The following CMTM4 variants were observed in gnomAD, a reference collection of about 807,000 sequenced individuals.
CMTM4 encodes the protein CKLF-like MARVEL transmembrane domain-containing protein 4.
CMTM4 carries 8 observed loss-of-function variants against 19.0 expected under a neutral mutation model. That is an observed-to-expected ratio of 0.42 (90% CI 0.25 to 0.76). The LOEUF is 0.76. Ranked by LOEUF, CMTM4 falls within the 30% of genes least tolerant of loss-of-function variation. CMTM4 has a pLI of 0.27. For synonymous variants in CMTM4, 106 were observed against 121.1 expected (o/e 0.88, Z 0.82); for missense variants, 228 against 290.2 (o/e 0.79, Z 1.56).
intron 1 of CMTM4, among the ~76,000 whole-genome samples, chr16:66,691,775 T>C (rs2017140409): frequency 6.6e-6 from 1 of 152,228 alleles, no homozygotes. Flanking sequence ...TTAGCTTTAG[T>C]ATCCAATCAC....
the CMTM4 span, among the ~76,000 whole-genome samples, chr16:66,600,136 G>GTGGTTTTTTTTTT: frequency 7.4e-6 from 1 of 135,154 alleles, no homozygotes; most frequent in Admixed American, 7.8e-5. Context: ...GTGTGTGTGT[G>GTGGTTTTTTTTTT]TTTTTTTTTG....
chr16:66,623,316 A>G (rs1311131511), intron 3 of CMTM4, 88 bp downstream of exon 3: 2 of 879,542 alleles, frequency 2.3e-6, no homozygotes, highest in East Asian at 5.2e-5. Context: ...AAGCCACAGG[A>G]GGGGGAGCAG....
chr16:66,609,359 G>A, the CMTM4 span: 181 of 1,333,240 alleles, frequency 1.4e-4, no homozygotes, highest in Non-Finnish European at 1.8e-4. This position sits in a 1 kb window ranked among gnomAD's most constrained non-coding sequence, Gnocchi z 4.4. Context: ...CTGGGAACAC[G>A]ACCAGGCTGC....
chr16:66,602,135 G>A, the CMTM4 span, among the ~76,000 whole-genome samples: 212 of 152,340 alleles, frequency 1.4e-3, no homozygotes, highest in Non-Finnish European at 2.4e-3. Flanking sequence ...GGTGGCTCAC[G>A]CCTGTAATCC....
chr16:66,599,793 T>G, the CMTM4 span, among the ~76,000 whole-genome samples: 1 of 152,158 alleles, frequency 6.6e-6, no homozygotes, highest in African/African-American at 2.4e-5. Flanking sequence ...CTTTTACAGA[T>G]TTTTTTAAGA....
rs2015524708 is a variant in CMTM4, at chr16:66,616,247, G to T, written c.*5811C>A. On this transcript the variant is annotated 3_prime_UTR_variant, in exon 4 of 4. Coordinates refer to ENST00000394106, the MANE Select transcript of CMTM4 (RefSeq NM_181521.3). ...GCATGGAAGGCACCAGAGGTGAAGT[G>T]ATTATTTGCCTTAAAATATACAAAG... is the stretch of plus-strand genomic sequence containing the variant. The T allele has an allele frequency of 6.6e-6, 1 of 152,010 alleles. No homozygotes were observed. Among genetic ancestry groups the T allele is most frequent in the African/African-American group, 2.4e-5 (1 of 41,388 alleles). The allele number at this position is 152,010 out of a possible 1,614,324, so 9.4% of individuals were successfully genotyped here. A position where few individuals can be genotyped will look rare whatever the true frequency, so the allele number is the denominator to read the frequency against.
At position 66,618,512 on chromosome 16, in the gene CMTM4, A is replaced by G. The variant is rs1036184531; in HGVS notation, c.*3546T>C. On this transcript the variant is annotated 3_prime_UTR_variant, in exon 4 of 4. Coordinates refer to ENST00000394106, the MANE Select transcript of CMTM4 (RefSeq NM_181521.3). ...GATTAGACCTCAGTCCACCTCTCAG[A>G]GCACATGGATAGGTGACGGGTTTCT... 7.1e-6 allele frequency: 7 copies of G among 985,372 alleles called. No homozygotes were observed. The African/African-American group carries it at 1.0e-4, about 15-fold the overall frequency. 61.0% of individuals were successfully genotyped at this position (985,372 alleles called of 1,614,324 possible).
intron 1 of CMTM4, among the ~76,000 whole-genome samples, chr16:66,664,233 CAAAA>C (rs748462311): frequency 1.5e-5 from 1 of 64,918 alleles, no homozygotes. Context: ...GACTCCGTCT[CAAAA>C]AAAAAAAAAA....
Position 66,618,204 on chromosome 16 carries a change from T to C in CMTM4, c.*3854A>G. ...CCCTGGAGCAGGAAGCAACTTGTTA[T>C]TCTGCTCAAGAGAATCCACCAGCAG... On this transcript the variant is annotated 3_prime_UTR_variant, in exon 4 of 4. Transcript: ENST00000394106. The C allele has an allele frequency of 2.0e-6, 2 of 985,482 alleles. No homozygotes were observed. The highest frequency in any genetic ancestry group is 1.7e-5 in the African/African-American group (1 of 57,374). The allele number at this position is 985,482 out of a possible 1,614,324, so 61.0% of individuals were successfully genotyped here.
chr16:66,636,865 C>A (rs1261758629), intron 1 of CMTM4, among the ~76,000 whole-genome samples: 1 of 152,220 alleles, frequency 6.6e-6, no homozygotes, highest in African/African-American at 2.4e-5. Context: ...GTGTAAACTG[C>A]TGGCCCTTGG....
chr16:66,620,615 C>T lies in CMTM4; in HGVS notation c.*1443G>A, dbSNP rs564421695. ...CCTCGGAGTTATTTATTACACAGTA[C>T]GCTGCTAAAGCTGTCAACATTTGTC... On this transcript the variant is annotated 3_prime_UTR_variant, in exon 4 of 4. Transcript: ENST00000394106. 1.9e-3 allele frequency: 1,831 copies of T among 985,590 alleles called. 2 individuals are homozygous for T. Among genetic ancestry groups the T allele is most frequent in the Non-Finnish European group, 2.1e-3 (1,744 of 829,934 alleles). 61.1% of individuals were successfully genotyped at this position (985,590 alleles called of 1,614,324 possible).
intron 1 of CMTM4, among the ~76,000 whole-genome samples, chr16:66,645,691 T>C (rs1298554432): frequency 6.7e-6 from 1 of 149,820 alleles, no homozygotes; most frequent in Non-Finnish European, 1.5e-5. Context: ...TATTAAAAAG[T>C]AACCAGGCCG....
the CMTM4 span, chr16:66,605,041 C>T: frequency 2.5e-6 from 3 of 1,211,880 alleles, no homozygotes; most frequent in South Asian, 2.0e-5. This position sits in a 1 kb window ranked among gnomAD's most constrained non-coding sequence, Gnocchi z 4.6. Flanking sequence ...GGTCCGGGGG[C>T]GGCCGCCGTG....
chr16:66,640,095 G>A (rs928354074), intron 1 of CMTM4, among the ~76,000 whole-genome samples: 1 of 151,986 alleles, frequency 6.6e-6, no homozygotes, highest in African/African-American at 2.4e-5. Context: ...AGGCCGAGGC[G>A]GGTGGATCAC....
chr16:66,677,693 T>C (rs2016833429), intron 1 of CMTM4, among the ~76,000 whole-genome samples: 1 of 152,076 alleles, frequency 6.6e-6, no homozygotes. Flanking sequence ...GTCCTAAGTG[T>C]AGGTGGTCAA....
chr16:66,640,221 A>G (rs1018316485), intron 1 of CMTM4, among the ~76,000 whole-genome samples: 1 of 152,130 alleles, frequency 6.6e-6, no homozygotes, highest in Non-Finnish European at 1.5e-5. Context: ...GAACTGCTTG[A>G]GCCTGGGGGC....
the CMTM4 span, chr16:66,609,453 ACCGCGGCCCT>A: frequency 6.2e-7 from 1 of 1,612,944 alleles, no homozygotes; most frequent in Non-Finnish European, 8.5e-7. The surrounding 1 kb of genome is among the most constrained non-coding windows in gnomAD (Gnocchi z 4.4). Flanking sequence ...GCGCTGTGTC[ACCGCGGCCCT>A]CATCTACTTT....
chr16:66,621,679 C>T lies in CMTM4; in HGVS notation c.*379G>A, dbSNP rs1438690500. 17 of 1,028,612 alleles carry T rather than the reference C, an allele frequency of 1.7e-5. No homozygotes were observed. Among genetic ancestry groups the T allele is most frequent in the Non-Finnish European group, 2.0e-5 (17 of 854,452 alleles). The allele number at this position is 1,028,612 out of a possible 1,614,324, so 63.7% of individuals were successfully genotyped here. A position where few individuals can be genotyped will look rare whatever the true frequency, so the allele number is the denominator to read the frequency against. ...TGCCTGAGAACCACTGCCGACTGAC[C>T]GTTCCAATGCTGTCCCTTCATTCCT... On this transcript the variant is annotated 3_prime_UTR_variant, in exon 4 of 4. Transcript: ENST00000394106.
intron 2 of CMTM4, among the ~76,000 whole-genome samples, chr16:66,626,779 A>G (rs938645313): frequency 1.3e-5 from 2 of 151,948 alleles, no homozygotes; most frequent in African/African-American, 2.4e-5. Flanking sequence ...CAAAGAAAAA[A>G]AAAAAGAAAA....
Sources: gnomAD v4.1 joint callset for allele counts (sites outside exome capture counted in the v4.1 genomes callset) on GRCh38, gnomAD v4.1.1 for gene constraint, Gnocchi (gnomAD v3.1) non-coding constraint, MANE v1.5 for transcripts, NCBI Gene and HGNC (gene_info 2026-07-23, HGNC 2026-07-21) for gene names.